Variants in COL5A2 observed in about 807,000 individuals in gnomAD.
The protein encoded by COL5A2 is collagen alpha-2(V) chain.
In COL5A2, 23 loss-of-function variants were observed where a neutral mutation model predicts 208.2. The observed-to-expected ratio is 0.11, with a 90% confidence interval of 0.08 to 0.16. COL5A2 has a LOEUF of 0.16. Ranked by LOEUF, COL5A2 falls within the 10% of genes least tolerant of loss-of-function variation. The pLI, the probability that COL5A2 is intolerant of heterozygous loss-of-function variation, is 1.00. For synonymous variants in COL5A2, 625 were observed against 628.5 expected (o/e 0.99, Z 0.08); for missense variants, 1,590 against 1,956.4 (o/e 0.81, Z 3.53).
chr2:189,201,617 T>TA (rs923634282), intron 1 of COL5A2, among the ~76,000 whole-genome samples: 9 of 151,866 alleles, frequency 5.9e-5, no homozygotes, highest in African/African-American at 1.9e-4. Flanking sequence ...TAGAGAAATG[T>TA]AAAAAAACCT....
At chr2:189,133,366 A>G (rs1160562594) in intron 1 of COL5A2, among the ~76,000 whole-genome samples, 1 of 151,384 alleles carries the variant, frequency 6.6e-6, no homozygotes, top group African/African-American at 2.4e-5. Flanking sequence ...TAATCCACCC[A>G]CCGCGGCCCC....
At chr2:189,111,117 T>C (rs1687251279) in intron 1 of COL5A2, among the ~76,000 whole-genome samples, 1 of 152,142 alleles carries the variant, frequency 6.6e-6, no homozygotes, top group Non-Finnish European at 1.5e-5. Context: ...GCATCAAAAT[T>C]AATTAAGGAA....
the COL5A2 span, among the ~76,000 whole-genome samples, chr2:189,275,115 A>G: frequency 5.9e-5 from 9 of 152,282 alleles, no homozygotes; most frequent in South Asian, 1.0e-3. Flanking sequence ...GCCATATATC[A>G]GTGAAGCTTA....
At chr2:189,174,586 A>G (rs1436941181) in intron 1 of COL5A2, among the ~76,000 whole-genome samples, 1 of 152,236 alleles carries the variant, frequency 6.6e-6, no homozygotes, top group Non-Finnish European at 1.5e-5. Flanking sequence ...ACCAATGTAA[A>G]TCAGAGTCAA....
the COL5A2 span, among the ~76,000 whole-genome samples, chr2:189,235,890 C>A: frequency 6.6e-6 from 1 of 151,506 alleles, no homozygotes; most frequent in African/African-American, 2.4e-5. Flanking sequence ...TCTCATTGTG[C>A]CCAAATGGTT....
At chr2:189,061,421 A>G (rs1686029435) in intron 30 of COL5A2, 141 bp downstream of exon 30, 2 of 661,842 alleles carry the variant, frequency 3.0e-6, no homozygotes, top group Admixed American at 2.7e-5. Context: ...ATTTTATCCA[A>G]ATGTCTATAC....
At chr2:189,125,559 G>A (rs1291919910) in intron 1 of COL5A2, among the ~76,000 whole-genome samples, 4 of 151,978 alleles carry the variant, frequency 2.6e-5, no homozygotes, top group Admixed American at 2.6e-4. Context: ...TAATAAGAAT[G>A]ACTACATTTA....
intron 1 of COL5A2, among the ~76,000 whole-genome samples, chr2:189,187,207 C>T (rs1040732380): frequency 7.9e-5 from 12 of 152,176 alleles, no homozygotes; most frequent in Non-Finnish European, 1.5e-4. Flanking sequence ...CAGATGATTG[C>T]TCCCATTTTA....
the COL5A2 span, among the ~76,000 whole-genome samples, chr2:189,333,273 A>G: frequency 1.3e-5 from 2 of 152,198 alleles, no homozygotes; most frequent in South Asian, 4.1e-4. Flanking sequence ...TCAAAAGACC[A>G]TCCTTTTTAA....
intron 1 of COL5A2, among the ~76,000 whole-genome samples, chr2:189,191,443 C>A (rs1688927492): frequency 6.6e-6 from 1 of 151,874 alleles, no homozygotes; most frequent in Non-Finnish European, 1.5e-5. Flanking sequence ...GAGTTCGCGA[C>A]CAGCCTGGCC....
At chr2:189,085,059 G>T in intron 11 of COL5A2, 101 bp downstream of exon 11, 1 of 934,576 alleles carries the variant, frequency 1.1e-6, no homozygotes, top group Non-Finnish European at 1.7e-6. Context: ...AGCTAAAAGG[G>T]TGGGGAAATG....
chr2:189,103,127 C>A (rs909246934), intron 3 of COL5A2, among the ~76,000 whole-genome samples: 6 of 152,084 alleles, frequency 3.9e-5, no homozygotes, highest in Non-Finnish European at 8.8e-5. Context: ...TCTATCCATG[C>A]ATCCATGCAT....
intron 1 of COL5A2, among the ~76,000 whole-genome samples, chr2:189,218,011 G>T (rs909161233): frequency 6.6e-6 from 1 of 152,144 alleles, no homozygotes; most frequent in Non-Finnish European, 1.5e-5. Context: ...TGCAGAAGTG[G>T]TTTTCCTTGT....
chr2:189,061,518 T>C, intron 30 of COL5A2, 44 bp downstream of exon 30: 1 of 1,426,378 alleles, frequency 7.0e-7, no homozygotes, highest in Non-Finnish European at 9.9e-7. Context: ...AAAAAAGCAT[T>C]TTAGTTAATG....
intron 1 of COL5A2, among the ~76,000 whole-genome samples, chr2:189,185,366 A>G (rs1240818984): frequency 5.3e-5 from 8 of 152,214 alleles, no homozygotes; most frequent in Non-Finnish European, 7.3e-5. Flanking sequence ...CATGTAAGAA[A>G]CGTATTATGC....
chr2:189,231,651 A>G, the COL5A2 span, among the ~76,000 whole-genome samples: 2 of 151,854 alleles, frequency 1.3e-5, no homozygotes, highest in Admixed American at 6.6e-5. Context: ...TTAAGAAAAA[A>G]GGACATATGT....
In COL5A2 at chr2:189,108,946, C is replaced by A. The variant is rs1687204673; in HGVS notation, c.322+1279G>T. The stretch of plus-strand genomic sequence containing the variant: ...TTATTTCTGCTTTATAGCCTTCTTT[C>A]TTAAAGAGAATTACTTTATTAAGTT... On this transcript the variant is annotated intron_variant, in intron 2 of 53. Coordinates refer to ENST00000374866, the MANE Select transcript of COL5A2 (RefSeq NM_000393.5). 2.8e-5 allele frequency among the ~76,000 whole-genome samples: 4 copies of A among 142,844 alleles called. No homozygotes were observed. The South Asian group carries it at 9.0e-4, about 32-fold the overall frequency. 93.7% of individuals were successfully genotyped at this position (142,844 alleles called of 152,430 possible). A position where few individuals can be genotyped will look rare whatever the true frequency, so the allele number is the denominator to read the frequency against.
chr2:189,101,367 T>C (rs1470908264), intron 3 of COL5A2, among the ~76,000 whole-genome samples: 4 of 152,076 alleles, frequency 2.6e-5, no homozygotes, highest in Admixed American at 6.6e-5. Context: ...ACCCCGGAGA[T>C]AACCACTGTT....
At chr2:189,072,202 GC>G in intron 17 of COL5A2, 109 bp from the exon 18 acceptor site, 4 of 717,200 alleles carry the variant, frequency 5.6e-6, no homozygotes, top group Non-Finnish European at 9.8e-6. Context: ...AGAATAACCT[GC>G]CTTTCACTTT....
Sources: allele counts gnomAD v4.1 joint callset (sites outside exome capture counted in the v4.1 genomes callset), GRCh38; gene constraint gnomAD v4.1.1; transcripts MANE v1.5; gene names NCBI Gene and HGNC (gene_info 2026-07-23, HGNC 2026-07-21).